Variants in MSH4 observed in about 807,000 individuals in gnomAD.
The protein encoded by MSH4 is mutS protein homolog 4.
In MSH4, 106 loss-of-function variants were observed where a neutral mutation model predicts 113.7. The observed-to-expected ratio is 0.93, with a 90% CI of 0.80 to 1.10. The LOEUF is 1.10. MSH4 is among the 50% of genes least tolerant of loss of function. The probability of loss-of-function intolerance (pLI) is 0.00; values close to 1 mark genes in which losing one functional copy is unlikely to be tolerated. For synonymous variants in MSH4, 368 were observed against 380.2 expected, an observed-to-expected ratio of 0.97 and a Z score of 0.37; for missense variants, 1,061 against 1,093.7, an observed-to-expected ratio of 0.97 and a Z score of 0.42.
chr1:75,835,579 C>T (rs907507094), intron 7 of MSH4, among the ~76,000 whole-genome samples: 9 of 152,186 alleles, frequency 5.9e-5, no homozygotes, highest in Admixed American at 5.9e-4. Flanking sequence ...TATTCTCTAG[C>T]TAATTCCTCC....
intron 9 of MSH4, among the ~76,000 whole-genome samples, chr1:75,875,245 G>T (rs554994806): frequency 1.3e-5 from 2 of 152,096 alleles, no homozygotes; most frequent in African/African-American, 4.8e-5. Flanking sequence ...ATTAATCAAT[G>T]GATGATGAAA....
intron 17 of MSH4, among the ~76,000 whole-genome samples, chr1:75,893,881 A>G (rs77338265): frequency 0.054 from 8,219 of 152,238 alleles, 386 homozygotes; most frequent in African/African-American, 0.12. Context: ...AAAGCGATCT[A>G]ACAGTTTGAT....
intron 6 of MSH4, among the ~76,000 whole-genome samples, chr1:75,820,293 C>T (rs1650381722): frequency 6.6e-6 from 1 of 152,150 alleles, no homozygotes; most frequent in Non-Finnish European, 1.5e-5. Flanking sequence ...AGTTCATTGA[C>T]CAATAGCATA....
intron 8 of MSH4, among the ~76,000 whole-genome samples, chr1:75,861,241 C>G (rs1020733552): frequency 5.3e-5 from 8 of 151,966 alleles, no homozygotes; most frequent in African/African-American, 1.9e-4. Flanking sequence ...TTGTTATTAC[C>G]GACCTTCTGA....
At chr1:75,798,699 G>A (rs1291148562) in intron 1 of MSH4, among the ~76,000 whole-genome samples, 1 of 151,878 alleles carries the variant, frequency 6.6e-6, no homozygotes, top group East Asian at 1.9e-4. Context: ...TGGGACCAAG[G>A]CATGTGCCCC....
intron 19 of MSH4, among the ~76,000 whole-genome samples, chr1:75,902,809 A>G (rs1408985645): frequency 1.4e-5 from 2 of 145,710 alleles, no homozygotes; most frequent in Non-Finnish European, 3.0e-5. Flanking sequence ...GGCTATTTGT[A>G]TGTCTTCTTT....
chr1:75,804,416 G>A lies in MSH4; in HGVS notation c.427+503G>A, dbSNP rs191615988. Among the ~76,000 whole-genome samples the A allele has an allele frequency of 2.9e-3, 437 of 150,334 alleles. 5 individuals are homozygous for A. Among genetic ancestry groups the A allele is most frequent in the African/African-American group, 0.01 (423 of 40,918 alleles). On this transcript the variant is annotated intron_variant, in intron 2 of 19. Transcript: ENST00000263187. ...TAATGACAAATTATTTTTTAAAGTA[G>A]TTCTACCAAAGTATAAATGGTAGTT...
chr1:75,825,638 A>G (rs1650530104), intron 7 of MSH4, among the ~76,000 whole-genome samples: 2 of 152,118 alleles, frequency 1.3e-5, no homozygotes, highest in Admixed American at 6.6e-5. Context: ...GATATGTTCC[A>G]TCAATACCTA....
chr1:75,864,886 T>G (rs996401086), intron 8 of MSH4, among the ~76,000 whole-genome samples: 1 of 152,190 alleles, frequency 6.6e-6, no homozygotes, highest in African/African-American at 2.4e-5. Flanking sequence ...CAGCTGAGAC[T>G]CTGCTTTCTG....
In MSH4 at chr1:75,888,607, T is replaced by C. The variant is rs1483753503; in HGVS notation, c.2108-644T>C. On this transcript the variant is annotated intron_variant, in intron 15 of 19. Coordinates refer to ENST00000263187, the MANE Select transcript of MSH4 (RefSeq NM_002440.4). The stretch of plus-strand genomic sequence containing the variant: ...AGGCATTTTCTTCAGATTTTCATAT[T>C]TCTTTTTTTAATTTATTTTATTTTT... Among the ~76,000 whole-genome samples the C allele has an allele frequency of 1.5e-4, 4 of 26,532 alleles. No homozygotes were observed. In the Admixed American group the frequency reaches 2.6e-3, roughly 18 times the overall value. The allele number at this position is 26,532 out of a possible 152,430, so 17.4% of individuals were successfully genotyped here. A position where few individuals can be genotyped will look rare whatever the true frequency, so the allele number is the denominator to read the frequency against.
At chr1:75,852,620 C>CA (rs1457409554) in intron 8 of MSH4, among the ~76,000 whole-genome samples, 1 of 152,092 alleles carries the variant, frequency 6.6e-6, no homozygotes, top group East Asian at 1.9e-4. Flanking sequence ...TGATGACTGA[C>CA]AATGTCGAGC....
chr1:75,832,567 C>T (rs1650725560), intron 7 of MSH4, among the ~76,000 whole-genome samples: 1 of 152,144 alleles, frequency 6.6e-6, no homozygotes, highest in African/African-American at 2.4e-5. Context: ...TCCAGCAGCT[C>T]ATCAAAAAGC....
At chr1:75,849,604 T>A (rs1184722342) in intron 8 of MSH4, among the ~76,000 whole-genome samples, 1 of 152,170 alleles carries the variant, frequency 6.6e-6, no homozygotes, top group Non-Finnish European at 1.5e-5. Context: ...CAGAACTGAG[T>A]TTCCTTAAAT....
intron 7 of MSH4, among the ~76,000 whole-genome samples, chr1:75,841,042 C>G (rs1650948199): frequency 6.6e-6 from 1 of 151,918 alleles, no homozygotes; most frequent in Admixed American, 6.6e-5. Flanking sequence ...AGGGAACATG[C>G]CTGTGCAAGG....
chr1:75,879,085 G>A lies in MSH4; in HGVS notation c.1634G>A (p.Cys545Tyr). Residue 545 changes from cysteine to tyrosine, a missense_variant, in exon 12 of 20, where the codon TGT becomes TAT. Transcript: ENST00000263187. ...RGFFIQMTTD[C>Y]IALPSDQLPS... is the part of the protein sequence containing the mutation. ...TTTTTCATCCAGATGACTACAGATT[G>A]TATAGCCCTACCTAGTGATCAACTT... 1 of 1,611,838 alleles carries A rather than the reference G, an allele frequency of 6.2e-7. No individual in the cohort carries two copies. The highest frequency in any genetic ancestry group is 1.1e-5 in the South Asian group (1 of 91,032).
At position 75,816,454 on chromosome 1, in the gene MSH4, G is replaced by A. The variant is rs757241895; in HGVS notation, c.897G>A (p.Leu299=). 6.2e-7 allele frequency: 1 copy of A among 1,611,058 alleles called. No individual in the cohort carries two copies. Among genetic ancestry groups the A allele is most frequent in the East Asian group, 2.2e-5 (1 of 44,760 alleles). Residue 299 remains leucine (L), a synonymous_variant, in exon 6 of 20, where the codon CTG becomes CTA. Coordinates refer to ENST00000263187, the MANE Select transcript of MSH4 (RefSeq NM_002440.4). ...IQNSVYAPKS[L]KICFQGSEQT... is the part of the protein sequence containing the mutation. The stretch of plus-strand genomic sequence containing the variant: ...ATTCAGTTTATGCACCAAAATCACT[G>A]AAGATTTGTTTCCAGGGTAGTGAAC...
At chr1:75,883,171 A>ATT (rs11368450) in intron 14 of MSH4, among the ~76,000 whole-genome samples, 2,786 of 135,560 alleles carry the variant, frequency 0.021, 54 homozygotes, top group African/African-American at 0.035. Flanking sequence ...CACCTGGCTA[A>ATT]TTTTTTTTTT....
chr1:75,797,061 C>T lies in MSH4; in HGVS notation c.76C>T (p.Pro26Ser), dbSNP rs754120698. The T allele has an allele frequency of 1.2e-6, 2 of 1,613,940 alleles. No individual in the cohort carries two copies. Among genetic ancestry groups the T allele is most frequent in the East Asian group, 2.2e-5 (1 of 44,882 alleles). ...CCCGTCGTCGGGAGAAACCCGCTCA[C>T]CTCAGGGTCCCCGCTACAATTTCGG... The part of the protein sequence containing the change: ...VSPSSGETRS[P>S]QGPRYNFGLQ... The change falls in exon 1 of 20, where the codon CCT becomes TCT. Residue 26 changes from proline to serine, a missense_variant. Pro to Ser is a moderately conservative substitution (Grantham distance 74). Coordinates refer to ENST00000263187, the MANE Select transcript of MSH4 (RefSeq NM_002440.4).
chr1:75,805,976 T>C (rs1427428452), intron 2 of MSH4, among the ~76,000 whole-genome samples: 1 of 152,026 alleles, frequency 6.6e-6, no homozygotes, highest in Non-Finnish European at 1.5e-5. Flanking sequence ...CACTTCAACA[T>C]TTGATATTGT....
Sources: gnomAD v4.1 joint callset for allele counts (sites outside exome capture counted in the v4.1 genomes callset) on GRCh38, gnomAD v4.1.1 for gene constraint, MANE v1.5 for transcripts, NCBI Gene and HGNC (gene_info 2026-07-23, HGNC 2026-07-21) for gene names.